The following CSMD3 variants were observed in gnomAD, a reference collection of about 807,000 sequenced individuals.
CSMD3 encodes the protein CUB and sushi domain-containing protein 3.
A neutral mutation model predicts 435.2 loss-of-function variants in CSMD3; 177 were observed. The observed-to-expected ratio is 0.41, with a 90% CI of 0.36 to 0.46. The LOEUF is 0.46. Among genes scored for constraint, CSMD3 ranks in the 20% least tolerant of loss-of-function variants. The probability of loss-of-function intolerance (pLI) is 0.34; values close to 1 mark genes in which losing one functional copy is unlikely to be tolerated. For synonymous variants in CSMD3, 1,656 were observed against 1,520.5 expected, an observed-to-expected ratio of 1.09 and a Z score of -2.07; for missense variants, 4,265 against 4,504.6, an observed-to-expected ratio of 0.95 and a Z score of 1.52.
At chr8:112,550,077 T>C (rs1827544981) in intron 27 of CSMD3, among the ~76,000 whole-genome samples, 1 of 152,034 alleles carries the variant, frequency 6.6e-6, no homozygotes, top group South Asian at 2.1e-4. Context: ...GAACAACATA[T>C]ATTTAGCCAC....
At chr8:113,011,773 C>A (rs1209317498) in intron 6 of CSMD3, among the ~76,000 whole-genome samples, 1 of 151,616 alleles carries the variant, frequency 6.6e-6, no homozygotes, top group Non-Finnish European at 1.5e-5. Flanking sequence ...ATTTGTATCA[C>A]AGAATAAATG....
chr8:112,477,323 C>T (rs893552362), intron 31 of CSMD3, among the ~76,000 whole-genome samples: 6 of 152,106 alleles, frequency 3.9e-5, no homozygotes, highest in South Asian at 4.1e-4. Context: ...TGGTAAGATG[C>T]TTATAATATG....
chr8:112,935,293 T>C (rs1370445502), intron 9 of CSMD3, among the ~76,000 whole-genome samples: 1 of 152,174 alleles, frequency 6.6e-6, no homozygotes, highest in Non-Finnish European at 1.5e-5. Flanking sequence ...TTTTGGATAC[T>C]ATAGTTTTGT....
intron 3 of CSMD3, among the ~76,000 whole-genome samples, chr8:113,209,316 AAAT>A (rs1363411545): frequency 6.6e-6 from 1 of 152,168 alleles, no homozygotes; most frequent in Non-Finnish European, 1.5e-5. Flanking sequence ...GGGCATTTAT[AAAT>A]AATTTAGTAA....
intron 27 of CSMD3, among the ~76,000 whole-genome samples, chr8:112,547,293 G>T (rs575898288): frequency 6.6e-6 from 1 of 151,958 alleles, no homozygotes; most frequent in South Asian, 2.1e-4. Context: ...AGAGACAAAG[G>T]TATCCATGAT....
At chr8:112,389,357 C>T (rs1830221377) in intron 36 of CSMD3, among the ~76,000 whole-genome samples, 1 of 152,216 alleles carries the variant, frequency 6.6e-6, no homozygotes, top group East Asian at 1.9e-4. Flanking sequence ...ATTTCAGATC[C>T]TCTATACAAG....
intron 1 of CSMD3, among the ~76,000 whole-genome samples, chr8:113,350,960 A>G (rs1027013995): frequency 1.3e-5 from 2 of 151,738 alleles, no homozygotes; most frequent in Non-Finnish European, 2.9e-5. Flanking sequence ...TTCCATGTAC[A>G]TTAAAAAAAA....
chr8:112,517,947 C>A (rs1216385752), intron 27 of CSMD3, among the ~76,000 whole-genome samples: 3 of 152,106 alleles, frequency 2.0e-5, no homozygotes, highest in African/African-American at 7.2e-5. Flanking sequence ...CTTATATTCA[C>A]ATGAAAGCCT....
chr8:112,734,278 GGA>G (rs1361236250), intron 13 of CSMD3, among the ~76,000 whole-genome samples: 2 of 151,190 alleles, frequency 1.3e-5, no homozygotes, highest in South Asian at 4.2e-4. Flanking sequence ...AGAGAGGAAG[GGA>G]GAGAGAGAGA....
At chr8:112,254,865 A>G (rs1407857198) in intron 62 of CSMD3, among the ~76,000 whole-genome samples, 1 of 152,128 alleles carries the variant, frequency 6.6e-6, no homozygotes, top group Admixed American at 6.6e-5. Flanking sequence ...TTAGGATTAC[A>G]GAAATATAGT....
In CSMD3 at chr8:112,977,972, G is replaced by T. The variant is rs151220766; in HGVS notation, c.1031-1824C>A. Among the ~76,000 whole-genome samples, 126 of 152,056 alleles carry T rather than the reference G, an allele frequency of 8.3e-4. 3 individuals carry two copies. In the East Asian group the frequency reaches 9.1e-3, roughly 11 times the overall value. On this transcript the variant is annotated intron_variant, in intron 6 of 70. Coordinates refer to ENST00000297405, the MANE Select transcript of CSMD3 (RefSeq NM_198123.2). ...TGAACTCATGGTAAACTGTACATTT[G>T]TGATGTGCAGTTTCATACATACATC...
At chr8:113,073,435 A>T (rs941955351) in intron 5 of CSMD3, among the ~76,000 whole-genome samples, 3 of 151,872 alleles carry the variant, frequency 2.0e-5, no homozygotes, top group African/African-American at 7.2e-5. Flanking sequence ...TGAACAAGTA[A>T]TTCTTACTGC....
intron 38 of CSMD3, among the ~76,000 whole-genome samples, chr8:112,377,802 C>A (rs2131219132): frequency 6.6e-6 from 1 of 152,100 alleles, no homozygotes; most frequent in African/African-American, 2.4e-5. Flanking sequence ...GACACCATTT[C>A]ATTATTAAAA....
chr8:112,352,139 G>T (rs945471197), intron 39 of CSMD3, among the ~76,000 whole-genome samples: 3 of 152,018 alleles, frequency 2.0e-5, no homozygotes, highest in Non-Finnish European at 2.9e-5. Context: ...TACTTTAAAA[G>T]ACTTTAATCT....
chr8:112,431,801 T>C (rs1247738607), intron 32 of CSMD3, among the ~76,000 whole-genome samples: 2 of 152,252 alleles, frequency 1.3e-5, no homozygotes, highest in African/African-American at 2.4e-5. Flanking sequence ...GTTCTACATA[T>C]TGAGTCATAT....
At chr8:112,468,815 G>A (rs1586426377) in intron 32 of CSMD3, among the ~76,000 whole-genome samples, 1 of 152,002 alleles carries the variant, frequency 6.6e-6, no homozygotes, top group African/African-American at 2.4e-5. Context: ...AGAATAAGGA[G>A]AGTAAAATAT....
chr8:113,271,444 C>T (rs916593124), intron 3 of CSMD3, among the ~76,000 whole-genome samples: 2 of 152,112 alleles, frequency 1.3e-5, no homozygotes, highest in African/African-American at 4.8e-5. Context: ...AGCTGCTCCA[C>T]CTGTTGCTAA....
intron 45 of CSMD3, among the ~76,000 whole-genome samples, chr8:112,328,792 TC>T (rs1563796165): frequency 1.3e-5 from 2 of 152,154 alleles, no homozygotes; most frequent in Admixed American, 6.6e-5. Context: ...TCACTGTCTC[TC>T]CTGCCAACAT....
chr8:112,884,114 G>A (rs4876499), intron 10 of CSMD3, among the ~76,000 whole-genome samples: 113,702 of 151,740 alleles, frequency 0.75, 43,399 homozygotes, highest in East Asian at 0.93. Context: ...CCTGGACACA[G>A]TAAAACAGTG....
Sources: gnomAD v4.1 joint callset for allele counts (sites outside exome capture counted in the v4.1 genomes callset) on GRCh38, gnomAD v4.1.1 for gene constraint, MANE v1.5 for transcripts, NCBI Gene and HGNC (gene_info 2026-07-23, HGNC 2026-07-21) for gene names.